HSD17B12: variants seen among roughly 807,000 people sequenced by gnomAD.
The protein encoded by HSD17B12 is very-long-chain 3-oxoacyl-CoA reductase.
Under a neutral mutation model 39.3 loss-of-function variants are expected in HSD17B12, and 32 were observed. That is an observed-to-expected ratio of 0.81 (90% CI 0.61 to 1.09). The LOEUF (loss-of-function observed/expected upper bound fraction) is 1.09, where lower values mean the gene tolerates loss of function less well. HSD17B12 is among the 50% of genes least tolerant of loss of function. The probability of loss-of-function intolerance (pLI) is 0.00; values close to 1 mark genes in which losing one functional copy is unlikely to be tolerated. For synonymous variants in HSD17B12, 150 were observed against 146.7 expected (o/e 1.02, Z -0.16); for missense variants, 342 against 382.9 (o/e 0.89, Z 0.89).
chr11:43,581,105 G>A, the HSD17B12 span, among the ~76,000 whole-genome samples: 1 of 152,140 alleles, frequency 6.6e-6, no homozygotes, highest in Non-Finnish European at 1.5e-5. This position sits in a 1 kb window ranked among gnomAD's most constrained non-coding sequence, Gnocchi z 4.9. Context: ...GGGAGGCTCC[G>A]GGTGCTGGGG....
intron 4 of HSD17B12, 126 bp from the exon 5 acceptor site, chr11:43,815,311 T>G (rs978966507): frequency 2.2e-6 from 1 of 464,206 alleles, no homozygotes; most frequent in Admixed American, 3.6e-5. Context: ...AAGGTTATGC[T>G]AGCCATAAAC....
chr11:43,643,386 AAGG>A, the HSD17B12 span, among the ~76,000 whole-genome samples: 2 of 152,136 alleles, frequency 1.3e-5, no homozygotes, highest in African/African-American at 4.8e-5. Context: ...AAAAACCTTG[AAGG>A]AGTTCATTTA....
At chr11:43,673,304 A>G in the HSD17B12 span, 1 of 152,184 alleles carries the variant, frequency 6.6e-6, no homozygotes, top group African/African-American at 2.4e-5. Flanking sequence ...GTATACTAAT[A>G]TGATACAATA....
chr11:43,795,189 G>GTT (rs1950905598), intron 3 of HSD17B12, among the ~76,000 whole-genome samples: 1 of 152,142 alleles, frequency 6.6e-6, no homozygotes, highest in Non-Finnish European at 1.5e-5. Context: ...TCACATGCAG[G>GTT]GTAATAGGCT....
In HSD17B12 at chr11:43,855,336, C is replaced by A; in HGVS notation, c.*88C>A. ...ACCCTACTGGTTTTGAAAATCTGAC[C>A]TTGTCATTTCAATAGTTATTAACAT... is the stretch of plus-strand genomic sequence containing the variant. On this transcript the variant is annotated 3_prime_UTR_variant, in exon 11 of 11. Transcript: ENST00000278353. 1 of 677,250 alleles carries A rather than the reference C, an allele frequency of 1.5e-6. No homozygotes were observed. Among genetic ancestry groups the A allele is most frequent in the Non-Finnish European group, 2.4e-6 (1 of 408,318 alleles). 42.0% of individuals were successfully genotyped at this position (677,250 alleles called of 1,614,324 possible). A position where few individuals can be genotyped will look rare whatever the true frequency, so the allele number is the denominator to read the frequency against.
the HSD17B12 span, among the ~76,000 whole-genome samples, chr11:43,639,665 G>C: frequency 2.0e-5 from 3 of 151,140 alleles, no homozygotes; most frequent in Admixed American, 2.0e-4. Flanking sequence ...CATCCTTCAG[G>C]GGAAAAAAAA....
chr11:43,624,222 T>C, the HSD17B12 span, among the ~76,000 whole-genome samples: 1 of 151,998 alleles, frequency 6.6e-6, no homozygotes, highest in Admixed American at 6.6e-5. Flanking sequence ...TGTTTTTCTG[T>C]GCATTCAACT....
intron 3 of HSD17B12, among the ~76,000 whole-genome samples, chr11:43,775,420 G>A (rs73540460): frequency 2.8e-4 from 43 of 152,194 alleles, no homozygotes; most frequent in South Asian, 2.1e-3. Context: ...ACTACAGAGC[G>A]TGCTGTCGGG....
At chr11:43,631,591 GTCTC>G in the HSD17B12 span, among the ~76,000 whole-genome samples, 28 of 138,972 alleles carry the variant, frequency 2.0e-4, no homozygotes, top group Admixed American at 1.1e-3. Context: ...CTCTCTCTCT[GTCTC>G]TCTCTCTCTC....
At chr11:43,788,849 G>A (rs142524716) in intron 3 of HSD17B12, among the ~76,000 whole-genome samples, 2 of 152,150 alleles carry the variant, frequency 1.3e-5, no homozygotes, top group African/African-American at 4.8e-5. Flanking sequence ...CACTTAGAAG[G>A]GTCCATACTT....
chr11:43,695,397 G>A lies in HSD17B12; in HGVS notation c.160+14410G>A, dbSNP rs185214106. 9.4e-3 allele frequency among the ~76,000 whole-genome samples: 1,435 copies of A among 152,114 alleles called. 6 individuals carry two copies. Among genetic ancestry groups the A allele is most frequent in the Non-Finnish European group, 0.014 (952 of 67,994 alleles). On this transcript the variant is annotated intron_variant, in intron 1 of 10. Coordinates refer to ENST00000278353, the MANE Select transcript of HSD17B12 (RefSeq NM_016142.3). ...AGTTTGAGACCAGCCTGACCAACAC[G>A]GTGAAAACCGGTCTCTACTAAAAAT... is the stretch of plus-strand genomic sequence containing the variant.
At chr11:43,737,125 A>T (rs1243950151) in intron 1 of HSD17B12, among the ~76,000 whole-genome samples, 1 of 152,190 alleles carries the variant, frequency 6.6e-6, no homozygotes, top group Non-Finnish European at 1.5e-5. Flanking sequence ...GAGTCACAAG[A>T]AGGAACCTGT....
intron 1 of HSD17B12, among the ~76,000 whole-genome samples, chr11:43,750,236 C>G (rs1382331105): frequency 2.0e-5 from 3 of 152,096 alleles, no homozygotes; most frequent in Non-Finnish European, 4.4e-5. Flanking sequence ...TCCCTGTTAT[C>G]TACTCCACTA....
intron 3 of HSD17B12, among the ~76,000 whole-genome samples, chr11:43,793,716 C>A (rs2135035960): frequency 6.6e-6 from 1 of 152,196 alleles, no homozygotes; most frequent in East Asian, 1.9e-4. Context: ...GGGTTCAGTT[C>A]CTTTTCTGTC....
At chr11:43,678,382 T>C (rs574760266), upstream of HSD17B12, among the ~76,000 whole-genome samples, 6 of 152,324 alleles carry the variant, frequency 3.9e-5, no homozygotes, top group East Asian at 1.2e-3. Context: ...ATTCTGTAGG[T>C]TGCCTGTTCA....
chr11:43,822,338 A>AT lies in HSD17B12; in HGVS notation c.501+5954dup, dbSNP rs944293173. On this transcript the variant is annotated intron_variant, in intron 6 of 10. Coordinates refer to ENST00000278353, the MANE Select transcript of HSD17B12 (RefSeq NM_016142.3). ...TTTTTAAGTCAACTTGAGATTTAAT[A>AT]TTTTTTTATTATACTTAAAGTTTTA... Among the ~76,000 whole-genome samples, 10 of 152,060 alleles carry AT rather than the reference A, an allele frequency of 6.6e-5. No individual in the cohort carries two copies. The East Asian group carries it at 1.4e-3, about 21-fold the overall frequency.
At chr11:43,775,285 C>CAT (rs141037070) in intron 3 of HSD17B12, among the ~76,000 whole-genome samples, 5,529 of 152,152 alleles carry the variant, frequency 0.036, 299 homozygotes, top group African/African-American at 0.12. Context: ...AGAGATAATA[C>CAT]ATATATATTG....
At chr11:43,629,357 TTTA>T in the HSD17B12 span, among the ~76,000 whole-genome samples, 2 of 152,220 alleles carry the variant, frequency 1.3e-5, no homozygotes, top group Non-Finnish European at 2.9e-5. Flanking sequence ...CTGTGATATT[TTTA>T]TTCATAACAG....
intron 3 of HSD17B12, among the ~76,000 whole-genome samples, chr11:43,790,328 C>T (rs1282677560): frequency 1.3e-5 from 2 of 152,130 alleles, no homozygotes; most frequent in East Asian, 3.9e-4. Flanking sequence ...AAAAAATATG[C>T]AGCTGATGCA....
Sources: allele counts gnomAD v4.1 joint callset (sites outside exome capture counted in the v4.1 genomes callset), GRCh38; gene constraint gnomAD v4.1.1; non-coding constraint Gnocchi (gnomAD v3.1); transcripts MANE v1.5; gene names NCBI Gene and HGNC (gene_info 2026-07-23, HGNC 2026-07-21).